The following TENM1 variants were observed in gnomAD, a reference collection of about 807,000 sequenced individuals.
TENM1 encodes teneurin transmembrane protein 1.
A neutral mutation model predicts 174.8 loss-of-function variants in TENM1; 35 were observed. The ratio of observed to expected loss-of-function variants is 0.20; its 90% CI spans 0.15 to 0.27. The LOEUF is 0.27. TENM1 is among the 10% of genes least tolerant of loss of function. TENM1 has a pLI of 1.00. For missense variants in TENM1, 1,633 were observed against 2,130.1 expected (o/e 0.77, Z 4.59); for synonymous variants, 781 against 798.7 (o/e 0.98, Z 0.37).
the TENM1 span, among the ~76,000 whole-genome samples, chrX:125,060,192 C>A: frequency 2.3e-5 from 2 of 88,348 alleles, no homozygotes; most frequent in African/African-American, 9.1e-5. Flanking sequence ...CACACACACA[C>A]ACACACACAC....
At chrX:124,409,625 G>A (rs1428620744) in intron 25 of TENM1, among the ~76,000 whole-genome samples, 2 of 108,283 alleles carry the variant, frequency 1.8e-5, no homozygotes, top group Non-Finnish European at 3.8e-5. Flanking sequence ...AAACCCCATT[G>A]TCTCAGCCCA....
the TENM1 span, among the ~76,000 whole-genome samples, chrX:125,081,760 C>T: frequency 1.9e-4 from 21 of 111,162 alleles, no homozygotes; most frequent in Admixed American, 7.7e-4. Context: ...CATCAACAGA[C>T]GATTTGATGA....
intron 16 of TENM1, among the ~76,000 whole-genome samples, chrX:124,527,561 A>C (rs1377629815): frequency 9.0e-6 from 1 of 110,625 alleles, no homozygotes; most frequent in Non-Finnish European, 1.9e-5. Flanking sequence ...TCCTATCAGC[A>C]ACTCTCATAT....
the TENM1 span, among the ~76,000 whole-genome samples, chrX:125,001,858 C>T: frequency 3.0e-5 from 3 of 99,638 alleles, no homozygotes; most frequent in South Asian, 4.8e-4. Flanking sequence ...TAGATACACA[C>T]ACACACACAC....
At chrX:124,974,132 A>G in the TENM1 span, among the ~76,000 whole-genome samples, 1 of 111,964 alleles carries the variant, frequency 8.9e-6, no homozygotes, top group Admixed American at 9.5e-5. Context: ...GCAAGAAAGC[A>G]TAAGAGAGCA....
At chrX:124,774,668 A>G (rs1022132820) in intron 3 of TENM1, among the ~76,000 whole-genome samples, 1 of 111,597 alleles carries the variant, frequency 9.0e-6, no homozygotes, top group African/African-American at 3.3e-5. Context: ...TGACCTTCTG[A>G]ATGTAGTACT....
At chrX:124,918,823 C>A (rs1241199917) in intron 1 of TENM1, among the ~76,000 whole-genome samples, 1 of 111,487 alleles carries the variant, frequency 9.0e-6, no homozygotes. Flanking sequence ...AGTCAAGTAA[C>A]CTGCCATGTT....
chrX:124,476,484 G>A (rs1312183093), intron 22 of TENM1, among the ~76,000 whole-genome samples: 3 of 111,996 alleles, frequency 2.7e-5, no homozygotes, highest in Non-Finnish European at 5.6e-5. Flanking sequence ...CTCAGAGGCT[G>A]TTTGCACTTG....
At chrX:124,630,415 T>G (rs191502294) in intron 11 of TENM1, among the ~76,000 whole-genome samples, 49 of 112,359 alleles carry the variant, frequency 4.4e-4, no homozygotes, top group Non-Finnish European at 8.4e-4. Flanking sequence ...CTCTTCTAGT[T>G]TTGTGGAACT....
intron 22 of TENM1, among the ~76,000 whole-genome samples, chrX:124,466,448 A>T (rs1429064640): frequency 8.9e-6 from 1 of 112,205 alleles, no homozygotes; most frequent in Non-Finnish European, 1.9e-5. Context: ...CAGCATTTCC[A>T]GGAACTAGGA....
At chrX:124,534,286 A>G (rs1374401430) in intron 15 of TENM1, among the ~76,000 whole-genome samples, 1 of 111,932 alleles carries the variant, frequency 8.9e-6, no homozygotes, top group Non-Finnish European at 1.9e-5. Flanking sequence ...GTTCTGATGC[A>G]AAAGGTCTAA....
chrX:124,912,535 A>C (rs1438777198), intron 1 of TENM1, among the ~76,000 whole-genome samples: 1 of 110,665 alleles, frequency 9.0e-6, no homozygotes, highest in Non-Finnish European at 1.9e-5. Flanking sequence ...GCCCACCTGC[A>C]ACACCATAAT....
chrX:124,931,219 A>G (rs766748013), intron 1 of TENM1, among the ~76,000 whole-genome samples: 7 of 109,311 alleles, frequency 6.4e-5, no homozygotes, highest in East Asian at 2.9e-4. Flanking sequence ...CCATCTGAAG[A>G]TGCATTTTCC....
At chrX:125,151,907 T>C in the TENM1 span, among the ~76,000 whole-genome samples, 1 of 111,769 alleles carries the variant, frequency 8.9e-6, no homozygotes, top group Non-Finnish European at 1.9e-5. Context: ...AAAGTGAATA[T>C]ATCGATACTT....
chrX:124,439,860 C>T (rs980608146), intron 23 of TENM1, among the ~76,000 whole-genome samples: 1 of 111,143 alleles, frequency 9.0e-6, no homozygotes, highest in Non-Finnish European at 1.9e-5. Context: ...GTGATTTATG[C>T]ATATTACCAC....
intron 5 of TENM1, among the ~76,000 whole-genome samples, chrX:124,697,509 G>T (rs1470104203): frequency 9.0e-6 from 1 of 111,014 alleles, no homozygotes; most frequent in African/African-American, 3.3e-5. Context: ...TACTTTGTGG[G>T]ATCATACCTA....
At chrX:124,848,439 C>G (rs188142358) in intron 3 of TENM1, among the ~76,000 whole-genome samples, 64 of 111,134 alleles carry the variant, frequency 5.8e-4, no homozygotes, top group Non-Finnish European at 4.5e-4. Flanking sequence ...TGGAAAAGAC[C>G]TTAATGTGGA....
chrX:124,661,373 G>A (rs1171694116), intron 6 of TENM1, among the ~76,000 whole-genome samples: 3 of 111,888 alleles, frequency 2.7e-5, no homozygotes, highest in Non-Finnish European at 3.8e-5. Flanking sequence ...AGTGTGAATT[G>A]GCATAGCATA....
the TENM1 span, among the ~76,000 whole-genome samples, chrX:125,192,800 A>G: frequency 1.8e-5 from 2 of 108,643 alleles, no homozygotes; most frequent in South Asian, 3.9e-4. Context: ...AAATTGTGGT[A>G]AGAACATTTA....
Sources: allele counts gnomAD v4.1 joint callset (sites outside exome capture counted in the v4.1 genomes callset), GRCh38; gene constraint gnomAD v4.1.1; transcripts MANE v1.5; gene names NCBI Gene and HGNC (gene_info 2026-07-23, HGNC 2026-07-21).